KCNQ2: variants seen among roughly 807,000 people sequenced by gnomAD.
KCNQ2 encodes potassium voltage-gated channel subfamily KQT member 2.
KCNQ2 carries 14 observed loss-of-function variants against 84.8 expected under a neutral mutation model. The ratio of observed to expected loss-of-function variants is 0.17; its 90% CI spans 0.11 to 0.26. KCNQ2 has a LOEUF of 0.26. Ranked by LOEUF, KCNQ2 falls within the 10% of genes least tolerant of loss-of-function variation. The probability of loss-of-function intolerance (pLI) is 1.00; values close to 1 mark genes in which losing one functional copy is unlikely to be tolerated. For missense variants in KCNQ2, 788 were observed against 1,254.0 expected, an observed-to-expected ratio of 0.63 and a Z score of 5.61; for synonymous variants, 599 against 554.1, an observed-to-expected ratio of 1.08 and a Z score of -1.14.
At chr20:63,410,204 A>G (rs1433257827) in intron 15 of KCNQ2, among the ~76,000 whole-genome samples, 1 of 152,178 alleles carries the variant, frequency 6.6e-6, no homozygotes, top group Non-Finnish European at 1.5e-5. Flanking sequence ...CGGGGCATCC[A>G]CACAGTCCAG....
chr20:63,438,676 G>A lies in KCNQ2; in HGVS notation c.972C>T (p.His324=). Residue 324 remains histidine (H), a synonymous_variant, in exon 7 of 17, where the codon CAC becomes CAT. Transcript: ENST00000359125. The surrounding 1 kb of genome is among the most constrained non-coding windows in gnomAD (Gnocchi z 5.1). ...GCCTCTTCTCAAAGTGCTTCTGCCT[G>A]TGCTGCTCCTGAACCTTCAGGGCAA... ...SGFALKVQEQ[H]RQKHFEKRRN... is the part of the protein sequence containing the mutation. The A allele has an allele frequency of 6.2e-7, 1 of 1,613,760 alleles. No individual in the cohort carries two copies. Among genetic ancestry groups the A allele is most frequent in the Non-Finnish European group, 8.5e-7 (1 of 1,180,006 alleles).
intron 4 of KCNQ2, among the ~76,000 whole-genome samples, chr20:63,444,175 G>A (rs1337230221): frequency 6.6e-6 from 1 of 152,236 alleles, no homozygotes; most frequent in African/African-American, 2.4e-5. Context: ...TGGCAGGATG[G>A]GGTCTCGGTC....
intron 10 of KCNQ2, among the ~76,000 whole-genome samples, chr20:63,426,071 G>C (rs1189688158): frequency 6.6e-6 from 1 of 152,176 alleles, no homozygotes; most frequent in Non-Finnish European, 1.5e-5. Flanking sequence ...GTTTCCTAAA[G>C]GGCAGCTCGT....
chr20:63,444,791 G>C lies in KCNQ2; in HGVS notation c.558C>G (p.Gly186=), dbSNP rs2081363442. ...LIASIAVLAA[G]SQGNVFATSA... ...ATGTGGCAAAGACGTTGCCCTGGGAGCCGGCGGCCAGCACCGCAATGGAGG... is the reference window on the plus strand; with the variant it reads ...ATGTGGCAAAGACGTTGCCCTGGGACCCGGCGGCCAGCACCGCAATGGAGG... The change falls in exon 4 of 17, where the codon GGC becomes GGG. Residue 186 remains glycine (G), a synonymous_variant. Coordinates refer to ENST00000359125, the MANE Select transcript of KCNQ2 (RefSeq NM_172107.4). The C allele has an allele frequency of 1.2e-6, 2 of 1,608,094 alleles. No individual in the cohort carries two copies. The highest frequency in any genetic ancestry group is 3.4e-5 in the Admixed American group (2 of 59,582).
intron 7 of KCNQ2, among the ~76,000 whole-genome samples, chr20:63,434,917 C>G (rs146769740): frequency 1.4e-3 from 208 of 152,342 alleles, no homozygotes; most frequent in African/African-American, 4.9e-3. Flanking sequence ...GGTTGAAGGT[C>G]TGTTTTCAAT....
intron 1 of KCNQ2, among the ~76,000 whole-genome samples, chr20:63,451,747 G>T (rs1457659880): frequency 6.6e-6 from 1 of 152,080 alleles, no homozygotes; most frequent in Non-Finnish European, 1.5e-5. Flanking sequence ...CTGGATGTGG[G>T]GAGGCCAGCA....
chr20:63,437,591 A>T (rs2081043837), intron 7 of KCNQ2, among the ~76,000 whole-genome samples: 1 of 152,156 alleles, frequency 6.6e-6, no homozygotes, highest in African/African-American at 2.4e-5. Flanking sequence ...TCTGTGTCAA[A>T]TCTCCTTCTT....
rs776223064 is a variant in KCNQ2, at chr20:63,472,452, C to G, written c.12G>C (p.Lys4Asn). The G allele has an allele frequency of 1.3e-6, 2 of 1,524,166 alleles. No homozygotes were observed. The highest frequency in any genetic ancestry group is 1.7e-6 in the Non-Finnish European group (2 of 1,142,982). The allele number at this position is 1,524,166 out of a possible 1,614,324, so 94.4% of individuals were successfully genotyped here. A position where few individuals can be genotyped will look rare whatever the true frequency, so the allele number is the denominator to read the frequency against. The change falls in exon 1 of 17, where the codon AAG becomes AAC. Residue 4 changes from lysine to asparagine, a missense_variant. Lys to Asn is a moderately conservative substitution (Grantham distance 94). Around this residue, in one of 8 missense-constraint regions of KCNQ2, gnomAD observed 41 missense variants for 41.2 expected, o/e 0.99. Transcript: ENST00000359125. The stretch of plus-strand genomic sequence containing the variant: ...CGGGGTATACGCCGCCGTTGCGCGA[C>G]TTCTGCACCATGGTGCCTGGCGGGA... MVQ[K>N]SRNGGVYPGP...
Position 63,433,891 on chromosome 20 carries a change from A to C in KCNQ2, c.1036T>G (p.Phe346Val). Residue 346 changes from phenylalanine (F) to valine (V), a missense_variant, in exon 8 of 17, where the codon TTC becomes GTC. Physicochemically the swap from Phe to Val is conservative, Grantham distance 50 (BLOSUM62 -1). Coordinates refer to ENST00000359125, the MANE Select transcript of KCNQ2 (RefSeq NM_172107.4). ...AAGLIQSAWR[F>V]YATNLSRTDL... ...GTGCGCGAGAGGTTGGTGGCGTAGA[A>C]TCTCCAGGCCGACTGCGGAGGGAAA... The C allele has an allele frequency of 6.2e-7, 1 of 1,613,600 alleles. No homozygotes were observed. Among genetic ancestry groups the C allele is most frequent in the South Asian group, 1.1e-5 (1 of 91,050 alleles).
At chr20:63,419,006 C>T (rs1022735943) in intron 12 of KCNQ2, among the ~76,000 whole-genome samples, 16 of 152,176 alleles carry the variant, frequency 1.1e-4, no homozygotes, top group African/African-American at 3.9e-4. Context: ...CCTGCACACA[C>T]CCAACAGCAG....
intron 9 of KCNQ2, among the ~76,000 whole-genome samples, chr20:63,431,087 C>T (rs1304955053): frequency 1.3e-5 from 2 of 152,070 alleles, no homozygotes; most frequent in South Asian, 2.1e-4. Flanking sequence ...GGAGGCAGGA[C>T]GAGAAGGGTG....
chr20:63,432,950 G>T (rs749299196), intron 8 of KCNQ2, among the ~76,000 whole-genome samples: 1 of 152,160 alleles, frequency 6.6e-6, no homozygotes, highest in East Asian at 1.9e-4. Flanking sequence ...GACGGGGGGC[G>T]CGGGAGCTGG....
chr20:63,467,164 C>T (rs2082103380), intron 1 of KCNQ2, among the ~76,000 whole-genome samples: 1 of 151,752 alleles, frequency 6.6e-6, no homozygotes, highest in African/African-American at 2.4e-5. Flanking sequence ...TTCGGAGGGC[C>T]CAGGGCACAG....
rs749602639 is a variant in KCNQ2 at position 63,444,722 on chromosome 20, G to A, written c.627C>T (p.Ile209=). 2 of 1,602,332 alleles carry A rather than the reference G, an allele frequency of 1.2e-6. No individual in the cohort carries two copies. Among genetic ancestry groups the A allele is most frequent in the African/African-American group, 1.3e-5 (1 of 74,870 alleles). ...AGGTGCCTCCCCGCCGGTCCATGCG[G>A]ATCATCCGCAGAATCTGCAGGAAGC... The part of the protein sequence containing the change: ...SLRFLQILRM[I]RMDRRGGTWK... The change falls in exon 4 of 17, where the codon ATC becomes ATT. Residue 209 remains isoleucine, a synonymous_variant. Transcript: ENST00000359125.
At position 63,408,575 on chromosome 20, in the gene KCNQ2, G is replaced by A. The variant is rs778961504; in HGVS notation, c.1764-39C>T. ...AGACCCCAAAGCATGAGTTCGGGTG[G>A]GTGCAGCAGGGCCCCTGCCCTCTCC... On this transcript the variant is annotated intron_variant, in intron 15 of 16. Transcript: ENST00000359125. The surrounding 1 kb of genome is among the most constrained non-coding windows in gnomAD (Gnocchi z 5.0). 1.2e-6 allele frequency: 2 copies of A among 1,604,322 alleles called. No homozygotes were observed. The highest frequency in any genetic ancestry group is 1.7e-6 in the Non-Finnish European group (2 of 1,177,254).
Position 63,402,282 on chromosome 20 carries a change from T to C in KCNQ2, c.*4362A>G, listed in dbSNP as rs554608003. ...AGGTCCGAGCTTTGTGAACCGTCCC[T>C]CTCACGTCTGCTTTGAGGGTTTGTG... On this transcript the variant is annotated 3_prime_UTR_variant, in exon 17 of 17. Transcript: ENST00000359125. 2.1e-4 allele frequency: 37 copies of C among 177,888 alleles called. 1 individual carries two copies. Among genetic ancestry groups the C allele is most frequent in the African/African-American group, 8.6e-4 (36 of 41,724 alleles). The allele number at this position is 177,888 out of a possible 1,614,324, so 11.0% of individuals were successfully genotyped here.
chr20:63,442,830 T>TCACCAC lies in KCNQ2; in HGVS notation c.691-305_691-300dup, dbSNP rs747940691. Among the ~76,000 whole-genome samples the TCACCAC allele has an allele frequency of 0.16, 3,167 of 20,338 alleles. 129 individuals carry two copies. The highest frequency in any genetic ancestry group is 0.2 in the Non-Finnish European group (2,210 of 10,990). The allele number at this position is 20,338 out of a possible 152,430, so 13.3% of individuals were successfully genotyped here. ...ATTACCACCACCATCACCATCACCA[T>TCACCAC]CACCACCACCACCATCACCATCACC... is the stretch of plus-strand genomic sequence containing the variant. On this transcript the variant is annotated intron_variant, in intron 4 of 16. Transcript: ENST00000359125.
At chr20:63,421,527 C>A (rs756135857) in intron 11 of KCNQ2, among the ~76,000 whole-genome samples, 3 of 152,186 alleles carry the variant, frequency 2.0e-5, no homozygotes, top group Non-Finnish European at 4.4e-5. Context: ...ACAGGGAGCT[C>A]CACACTGCGT....
intron 12 of KCNQ2, among the ~76,000 whole-genome samples, chr20:63,417,352 C>G (rs2080328625): frequency 6.6e-6 from 1 of 152,260 alleles, no homozygotes; most frequent in Non-Finnish European, 1.5e-5. Context: ...CCCGCTCAGG[C>G]AGGCCTCAGG....
Sources: gnomAD v4.1 joint callset for allele counts (sites outside exome capture counted in the v4.1 genomes callset) on GRCh38, gnomAD v4.1.1 for gene constraint, gnomAD v4.1.1 regional missense constraint, Gnocchi (gnomAD v3.1) non-coding constraint, MANE v1.5 for transcripts, NCBI Gene and HGNC (gene_info 2026-07-23, HGNC 2026-07-21) for gene names.